PPM1E: variants seen among roughly 807,000 people sequenced by gnomAD.
PPM1E encodes protein phosphatase 1E.
In PPM1E, 20 loss-of-function variants were observed where a neutral mutation model predicts 65.9. The observed-to-expected ratio is 0.30, with a 90% confidence interval of 0.21 to 0.44. PPM1E has a LOEUF of 0.44. Ranked by LOEUF, PPM1E falls within the 20% of genes least tolerant of loss-of-function variation. The pLI, the probability that PPM1E is intolerant of heterozygous loss-of-function variation, is 1.00. For synonymous variants in PPM1E, 352 were observed against 374.9 expected, an observed-to-expected ratio of 0.94 and a Z score of 0.70; for missense variants, 713 against 953.1, an observed-to-expected ratio of 0.75 and a Z score of 3.32.
intron 3 of PPM1E, among the ~76,000 whole-genome samples, chr17:58,968,321 A>G (rs1471186443): frequency 6.6e-6 from 1 of 152,118 alleles, no homozygotes; most frequent in Non-Finnish European, 1.5e-5. Flanking sequence ...GCTACTTGGG[A>G]GGCTGAGGCG....
At position 58,980,734 on chromosome 17, in the gene PPM1E, C is replaced by G. The variant is rs369185588; in HGVS notation, c.1971C>G (p.Phe657Leu). The G allele has an allele frequency of 1.2e-6, 2 of 1,614,098 alleles. No homozygotes were observed. Among genetic ancestry groups the G allele is most frequent in the African/African-American group, 1.3e-5 (1 of 75,010 alleles). ...PVCSGLENEQFKSPGNRVSRL... is the reference protein window; with the variant it reads ...PVCSGLENEQLKSPGNRVSRL... ...GTTCAGGGTTGGAAAATGAACAGTT[C>G]AAATCCCCGGGAAACAGAGTTTCTA... is the stretch of plus-strand genomic sequence containing the variant. The change falls in exon 7 of 7, where the codon TTC becomes TTG. Residue 657 changes from phenylalanine (F) to leucine (L), a missense_variant. Physicochemically the swap from Phe to Leu is conservative, Grantham distance 22 (BLOSUM62 0). This residue lies in a region of PPM1E where 286 missense variants were observed against 313.8 expected (regional missense o/e 0.91). Transcript: ENST00000308249. This position sits in a 1 kb window ranked among gnomAD's most constrained non-coding sequence, Gnocchi z 4.7.
chr17:58,958,616 C>T (rs1242147530), intron 2 of PPM1E, among the ~76,000 whole-genome samples: 1 of 150,508 alleles, frequency 6.6e-6, no homozygotes, highest in East Asian at 1.9e-4. Flanking sequence ...TGGATGTCTT[C>T]TAGAAAAAAA....
intron 1 of PPM1E, among the ~76,000 whole-genome samples, chr17:58,877,400 C>T (rs924920212): frequency 4.6e-5 from 7 of 152,074 alleles, no homozygotes; most frequent in Non-Finnish European, 7.4e-5. Flanking sequence ...CTAAATTTAT[C>T]AGTTCCCCGC....
intron 1 of PPM1E, among the ~76,000 whole-genome samples, chr17:58,908,450 T>C (rs1261068638): frequency 6.6e-6 from 1 of 152,048 alleles, no homozygotes; most frequent in Non-Finnish European, 1.5e-5. Context: ...TTATACTTTT[T>C]TTTTTTAAGG....
chr17:58,799,864 G>C (rs1242338526), intron 1 of PPM1E, among the ~76,000 whole-genome samples: 2 of 152,198 alleles, frequency 1.3e-5, no homozygotes, highest in African/African-American at 2.4e-5. Context: ...ACAGGTGTGA[G>C]CTACCATGCC....
At chr17:58,765,927 C>T (rs554023148) in intron 1 of PPM1E, among the ~76,000 whole-genome samples, 5 of 144,522 alleles carry the variant, frequency 3.5e-5, no homozygotes, top group Non-Finnish European at 7.4e-5. Context: ...GTTGCCCAGG[C>T]TGGAGTGCAG....
chr17:58,843,641 A>G (rs978833401), intron 1 of PPM1E, among the ~76,000 whole-genome samples: 2 of 152,114 alleles, frequency 1.3e-5, no homozygotes, highest in African/African-American at 2.4e-5. Flanking sequence ...CCTGGGCAAC[A>G]TGGTGAAACC....
intron 1 of PPM1E, among the ~76,000 whole-genome samples, chr17:58,815,752 A>T (rs1306915293): frequency 6.6e-6 from 1 of 152,204 alleles, no homozygotes; most frequent in Non-Finnish European, 1.5e-5. Context: ...ATTATATGCT[A>T]ATCATTATTG....
At chr17:58,840,182 C>T (rs6503883) in intron 1 of PPM1E, among the ~76,000 whole-genome samples, 96,794 of 152,088 alleles carry the variant, frequency 0.64, 31,184 homozygotes, top group African/African-American at 0.71. Context: ...CAGCAACAAT[C>T]TGTGACGACA....
intron 1 of PPM1E, among the ~76,000 whole-genome samples, chr17:58,903,581 G>A (rs1409761376): frequency 1.3e-5 from 2 of 152,160 alleles, no homozygotes; most frequent in African/African-American, 2.4e-5. Context: ...AAAAGAAGTG[G>A]AGAACAAATG....
At chr17:58,961,343 C>G (rs533023459) in intron 2 of PPM1E, among the ~76,000 whole-genome samples, 17 of 152,212 alleles carry the variant, frequency 1.1e-4, no homozygotes, top group Admixed American at 1.1e-3. Context: ...TATGGCTTGT[C>G]AAGGGCAATT....
chr17:58,867,738 T>C (rs1007345599), intron 1 of PPM1E, among the ~76,000 whole-genome samples: 1 of 152,232 alleles, frequency 6.6e-6, no homozygotes, highest in Non-Finnish European at 1.5e-5. Context: ...AATTTTTGTA[T>C]CTCACAATTT....
chr17:58,886,343 C>T (rs1407170937), intron 1 of PPM1E, among the ~76,000 whole-genome samples: 1 of 152,134 alleles, frequency 6.6e-6, no homozygotes, highest in Non-Finnish European at 1.5e-5. Flanking sequence ...CCCTAGTACA[C>T]CTGGAAAAAG....
At chr17:58,798,549 C>A (rs1350632324) in intron 1 of PPM1E, among the ~76,000 whole-genome samples, 2 of 134,248 alleles carry the variant, frequency 1.5e-5, no homozygotes, top group Non-Finnish European at 3.2e-5. Context: ...TTTTTTTTTA[C>A]GCAATAGTGT....
chr17:58,906,020 A>G (rs1386445448), intron 1 of PPM1E, among the ~76,000 whole-genome samples: 4 of 152,198 alleles, frequency 2.6e-5, no homozygotes, highest in Non-Finnish European at 5.9e-5. Context: ...ACCTATTCAG[A>G]TAGTTTAATT....
intron 1 of PPM1E, among the ~76,000 whole-genome samples, chr17:58,915,917 C>T (rs1190934565): frequency 2.0e-5 from 3 of 152,158 alleles, no homozygotes; most frequent in East Asian, 1.9e-4. Context: ...TCAATTTTCT[C>T]ATCTATAAAA....
chr17:58,798,374 A>G (rs1394862608), intron 1 of PPM1E, among the ~76,000 whole-genome samples: 1 of 151,022 alleles, frequency 6.6e-6, no homozygotes, highest in African/African-American at 2.4e-5. Flanking sequence ...GATTACAGGC[A>G]GGCGCCACCA....
At chr17:58,783,537 C>T (rs990803314) in intron 1 of PPM1E, among the ~76,000 whole-genome samples, 1 of 152,096 alleles carries the variant, frequency 6.6e-6, no homozygotes, top group Non-Finnish European at 1.5e-5. Context: ...TGGCGTATGT[C>T]CAAATGACAG....
At chr17:58,765,603 T>C (rs961202688) in intron 1 of PPM1E, among the ~76,000 whole-genome samples, 6 of 152,150 alleles carry the variant, frequency 3.9e-5, no homozygotes, top group African/African-American at 1.4e-4. Context: ...GTATTCTTAA[T>C]TCTTCATGTA....
Sources: gnomAD v4.1 joint callset for allele counts (sites outside exome capture counted in the v4.1 genomes callset) on GRCh38, gnomAD v4.1.1 for gene constraint, gnomAD v4.1.1 regional missense constraint, Gnocchi (gnomAD v3.1) non-coding constraint, MANE v1.5 for transcripts, NCBI Gene and HGNC (gene_info 2026-07-23, HGNC 2026-07-21) for gene names.